CCDC3: variants seen among roughly 807,000 people sequenced by gnomAD.
The protein encoded by CCDC3 is coiled-coil domain containing 3.
A neutral mutation model predicts 21.4 loss-of-function variants in CCDC3; 24 were observed. That is an observed-to-expected ratio of 1.12 (90% confidence interval 0.81 to 1.58). The LOEUF (loss-of-function observed/expected upper bound fraction) is 1.58. Ranked by LOEUF, CCDC3 falls within the 40% of genes most tolerant of loss-of-function variation. CCDC3 has a pLI of 0.00. For synonymous variants in CCDC3, 186 were observed against 166.0 expected (o/e 1.12, Z -0.93); for missense variants, 425 against 360.9 (o/e 1.18, Z -1.44).
intron 3 of CCDC3, among the ~76,000 whole-genome samples, chr10:13,085,870 G>A (rs1450457247): frequency 1.3e-5 from 2 of 152,048 alleles, no homozygotes; most frequent in Non-Finnish European, 2.9e-5. Context: ...AGGAGGTTGA[G>A]GCAGGAGAAT....
At chr10:12,973,044 A>G (rs1415208343) in intron 2 of CCDC3, among the ~76,000 whole-genome samples, 2 of 152,132 alleles carry the variant, frequency 1.3e-5, no homozygotes, top group African/African-American at 2.4e-5. Flanking sequence ...AAACTGTTGT[A>G]AGGAATAGAA....
intron 4 of CCDC3, among the ~76,000 whole-genome samples, chr10:13,072,459 G>A (rs149014786): frequency 6.6e-6 from 1 of 152,128 alleles, no homozygotes; most frequent in South Asian, 2.1e-4. Flanking sequence ...GAGAATCTCC[G>A]ACCCACCCCA....
chr10:12,940,229 GTTTTTTT>G (rs34664068), intron 2 of CCDC3, among the ~76,000 whole-genome samples: 3 of 105,206 alleles, frequency 2.9e-5, no homozygotes, highest in Admixed American at 9.5e-5. Context: ...CATTGAAATT[GTTTTTTT>G]TTTTTTTTTT....
At chr10:12,931,754 G>C (rs1834647056) in intron 2 of CCDC3, among the ~76,000 whole-genome samples, 2 of 152,076 alleles carry the variant, frequency 1.3e-5, no homozygotes, top group South Asian at 4.2e-4. Flanking sequence ...CAGAACTGTG[G>C]TACATACAGC....
Position 13,037,004 on chromosome 10 carries a change from T to C in CCDC3, c.-2+12670A>G, listed in dbSNP as rs182983317. ...CTCACTGTGTTGCCTAGGCTGGTCTTGAATTCCTGGTCTCAAGCCATTCTC... is the reference window on the plus strand; with the variant it reads ...CTCACTGTGTTGCCTAGGCTGGTCTCGAATTCCTGGTCTCAAGCCATTCTC... On this transcript the variant is annotated intron_variant, in intron 5 of 6. Transcript: ENST00000378839. 6.2e-4 allele frequency among the ~76,000 whole-genome samples: 94 copies of C among 151,020 alleles called. 2 individuals are homozygous for C. The East Asian group carries it at 0.013, about 21-fold the overall frequency.
chr10:12,951,783 C>CA (rs1190324970), intron 2 of CCDC3, among the ~76,000 whole-genome samples: 1 of 104,450 alleles, frequency 9.6e-6, no homozygotes, highest in African/African-American at 3.9e-5. Flanking sequence ...CCAGCCTGGA[C>CA]AACAGAGTGA....
rs551158369 is a variant in CCDC3, at chr10:13,018,647, G to C, written c.-1-20135C>G. Reference sequence around the variant, plus strand: ...ATGATGGACTATTGAAAAATGAATAGAGGCCGGGCACAGTGGCTCATGCCT... The same window carrying C: ...ATGATGGACTATTGAAAAATGAATACAGGCCGGGCACAGTGGCTCATGCCT... On this transcript the variant is annotated intron_variant, in intron 5 of 6. Transcript: ENST00000378839. 2.0e-5 allele frequency among the ~76,000 whole-genome samples: 3 copies of C among 152,158 alleles called. No homozygotes were observed. The South Asian group carries it at 6.2e-4, about 32-fold the overall frequency.
intron 3 of CCDC3, among the ~76,000 whole-genome samples, chr10:13,074,518 T>C (rs1243635287): frequency 1.3e-5 from 2 of 151,696 alleles, no homozygotes; most frequent in African/African-American, 4.8e-5. Context: ...GTTCTTTTAA[T>C]GCTTTTAATC....
intron 1 of CCDC3, among the ~76,000 whole-genome samples, chr10:13,000,630 T>A (rs1484800840): frequency 6.6e-6 from 1 of 152,138 alleles, no homozygotes. Context: ...CATCTTGGCA[T>A]TTGAGCAAAT....
Position 12,955,028 on chromosome 10 carries a change from G to GCA in CCDC3, c.549+43308_549+43309dup, listed in dbSNP as rs201871284. Among the ~76,000 whole-genome samples the GCA allele has an allele frequency of 7.5e-3, 1,138 of 152,100 alleles. 16 individuals are homozygous for GCA. Among genetic ancestry groups the GCA allele is most frequent in the African/African-American group, 0.026 (1,084 of 41,488 alleles). On this transcript the variant is annotated intron_variant, in intron 2 of 2. Coordinates refer to ENST00000378825, the MANE Select transcript of CCDC3 (RefSeq NM_031455.4). ...ATTACCAGTTGTCATTCACAGCCTA[G>GCA]CACTTCACACGATCATCACACACCA...
At chr10:13,014,486 A>G (rs1312863619) in intron 5 of CCDC3, among the ~76,000 whole-genome samples, 1 of 151,544 alleles carries the variant, frequency 6.6e-6, no homozygotes, top group Non-Finnish European at 1.5e-5. Context: ...AAAAAAGAAA[A>G]GAAAGAGAGA....
intron 3 of CCDC3, among the ~76,000 whole-genome samples, chr10:13,089,914 T>C (rs769176973): frequency 1.3e-4 from 19 of 149,402 alleles, no homozygotes; most frequent in Non-Finnish European, 2.7e-4. Context: ...AGTGAGAACA[T>C]ACGATGTTTG....
intron 4 of CCDC3, among the ~76,000 whole-genome samples, chr10:13,070,305 G>T (rs1044840734): frequency 1.3e-5 from 2 of 152,096 alleles, no homozygotes; most frequent in African/African-American, 4.8e-5. Flanking sequence ...TTAATTTATG[G>T]CCATATAGTT....
rs1269460052 is a variant in CCDC3 at position 12,943,684 on chromosome 10, C to G, written c.550-45005G>C. On this transcript the variant is annotated intron_variant, in intron 2 of 2. Transcript: ENST00000378825. The stretch of plus-strand genomic sequence containing the variant: ...GCCTCTTTGTGTACTATGTAAATGG[C>G]ACACCTGGTCTGACCAGTCTTCTGG... Among the ~76,000 whole-genome samples, 3 of 152,322 alleles carry G rather than the reference C, an allele frequency of 2.0e-5. No homozygotes were observed. The South Asian group carries it at 6.2e-4, about 32-fold the overall frequency.
intron 2 of CCDC3, among the ~76,000 whole-genome samples, chr10:12,933,121 T>G (rs1381602571): frequency 6.6e-6 from 1 of 152,204 alleles, no homozygotes; most frequent in Non-Finnish European, 1.5e-5. Flanking sequence ...ATTGTTTTCT[T>G]GTAATGTCTT....
rs1449443244 is a variant in CCDC3, at chr10:12,917,180, C to T, written c.550-18501G>A. 1.0e-4 allele frequency among the ~76,000 whole-genome samples: 6 copies of T among 58,224 alleles called. 1 individual carries two copies. The South Asian group carries it at 2.3e-3, about 22-fold the overall frequency. 38.2% of individuals were successfully genotyped at this position (58,224 alleles called of 152,430 possible). A position where few individuals can be genotyped will look rare whatever the true frequency, so the allele number is the denominator to read the frequency against. On this transcript the variant is annotated intron_variant, in intron 2 of 2. Coordinates refer to ENST00000378825, the MANE Select transcript of CCDC3 (RefSeq NM_031455.4). The stretch of plus-strand genomic sequence containing the variant: ...GTTGGAAATGTCCTTATTTCTTCTT[C>T]TTTTTTTTTTTTTTTTTTTTTTTTT...
At chr10:13,076,838 G>A (rs1460268383) in intron 3 of CCDC3, among the ~76,000 whole-genome samples, 1 of 152,162 alleles carries the variant, frequency 6.6e-6, no homozygotes, top group African/African-American at 2.4e-5. Context: ...AGCCAATCGG[G>A]TTCAGTTTAT....
chr10:12,922,317 C>T (rs1333256372), intron 2 of CCDC3, among the ~76,000 whole-genome samples: 1 of 151,920 alleles, frequency 6.6e-6, no homozygotes, highest in Admixed American at 6.5e-5. Flanking sequence ...GTGGGAGCTC[C>T]CATCTGTGCC....
At chr10:12,982,594 G>A (rs901728150) in intron 2 of CCDC3, among the ~76,000 whole-genome samples, 1 of 151,630 alleles carries the variant, frequency 6.6e-6, no homozygotes, top group Non-Finnish European at 1.5e-5. Flanking sequence ...AGGAGTTCAA[G>A]ACCAGCCTGA....
Sources: gnomAD v4.1 joint callset for allele counts (sites outside exome capture counted in the v4.1 genomes callset) on GRCh38, gnomAD v4.1.1 for gene constraint, MANE v1.5 for transcripts, NCBI Gene and HGNC (gene_info 2026-07-23, HGNC 2026-07-21) for gene names.